The following ZMYM3 variants were observed in gnomAD, a reference collection of about 807,000 sequenced individuals.
ZMYM3 encodes the protein zinc finger MYM-type protein 3.
A neutral mutation model predicts 94.2 loss-of-function variants in ZMYM3; 6 were observed. The ratio of observed to expected loss-of-function variants is 0.06; its 90% CI spans 0.03 to 0.13. The LOEUF (loss-of-function observed/expected upper bound fraction) is 0.13, where lower values mean the gene tolerates loss of function less well. ZMYM3 is among the 10% of genes least tolerant of loss of function. The pLI, the probability that ZMYM3 is intolerant of heterozygous loss-of-function variation, is 1.00. For synonymous variants in ZMYM3, 420 were observed against 426.5 expected, an observed-to-expected ratio of 0.98 and a Z score of 0.19; for missense variants, 664 against 1,132.6, an observed-to-expected ratio of 0.59 and a Z score of 5.94.
rs73541929 is a variant in ZMYM3 at position 71,249,885 on chromosome X, C to T, written c.1251+141G>A. 279 of 1,026,580 alleles carry T rather than the reference C, an allele frequency of 2.7e-4. No homozygotes were observed. In the African/African-American group the frequency reaches 5.1e-3, roughly 19 times the overall value. 84.6% of individuals were successfully genotyped at this position (1,026,580 alleles called of 1,213,427 possible). On this transcript the variant is annotated intron_variant, in intron 6 of 24. Transcript: ENST00000314425. ...TGTGCACATCCTGGAGAAGCTCTGTCCTTGAATACGCTCCCTCATGATGGC... is the reference window on the plus strand; with the variant it reads ...TGTGCACATCCTGGAGAAGCTCTGTTCTTGAATACGCTCCCTCATGATGGC...
At chrX:71,246,322 C>T in intron 15 of ZMYM3, 31 bp downstream of exon 15, 1 of 1,209,789 alleles carries the variant, frequency 8.3e-7, no homozygotes, top group Non-Finnish European at 1.1e-6. Flanking sequence ...CTCTGGAATA[C>T]AGCCTGTGGC....
intron 3 of ZMYM3, 134 bp downstream of exon 3, chrX:71,251,424 C>G (rs1413293163): frequency 4.2e-6 from 4 of 954,119 alleles, no homozygotes; most frequent in Middle Eastern, 3.0e-4. Flanking sequence ...GCAGTAGACA[C>G]TAGTGCTCCC....
chrX:71,248,927 G>A (rs1481677012), intron 8 of ZMYM3, 92 bp downstream of exon 8: 2 of 1,154,470 alleles, frequency 1.7e-6, no homozygotes, highest in Non-Finnish European at 2.3e-6. Flanking sequence ...TTGGGACTGA[G>A]GTCGGGCAGC....
chrX:71,250,777 A>C, intron 4 of ZMYM3, 51 bp from the exon 5 acceptor site: 1 of 1,097,224 alleles, frequency 9.1e-7, no homozygotes, highest in Non-Finnish European at 1.2e-6. Flanking sequence ...CCAGGTCTCC[A>C]ACCATCCCCT....
chrX:71,247,260 C>A, intron 13 of ZMYM3, 85 bp downstream of exon 13: 1 of 982,431 alleles, frequency 1.0e-6, no homozygotes, highest in Admixed American at 3.0e-5. Context: ...GAGCTGAACG[C>A]AAGAGGAAGG....
At chrX:71,242,486 C>G in intron 22 of ZMYM3, 62 bp from the exon 23 acceptor site, 1 of 1,173,280 alleles carries the variant, frequency 8.5e-7, no homozygotes, top group Non-Finnish European at 1.2e-6. Flanking sequence ...CCAACCACTT[C>G]CCATCCCATG....
intron 13 of ZMYM3, 99 bp downstream of exon 13, chrX:71,247,246 G>T: frequency 1.2e-6 from 1 of 858,236 alleles, no homozygotes. Context: ...ATCTGGCCAG[G>T]GGTGAGCTGA....
chrX:71,248,622 C>T, intron 9 of ZMYM3, 64 bp downstream of exon 9: 1 of 1,149,508 alleles, frequency 8.7e-7, no homozygotes. Context: ...GCCTGCCTAC[C>T]CCAATTCTCC....
intron 2 of ZMYM3, 123 bp from the exon 3 acceptor site, chrX:71,251,724 G>A: frequency 9.4e-7 from 1 of 1,062,140 alleles, no homozygotes; most frequent in Non-Finnish European, 1.2e-6. Context: ...AAACTCGAGT[G>A]CCTGTGGCTT....
In ZMYM3 at chrX:71,244,342, G is replaced by C. The variant is rs750058631; in HGVS notation, c.3240C>G (p.Ala1080=). The part of the protein sequence containing the change: ...AWKCWVQSKY[A]NGETSKGDEL... ...CATCACCCTTGCTGGTTTCTCCATT[G>C]GCATATTTTGACTGCACCCAGCACT... Residue 1080 remains alanine, a synonymous_variant, in exon 20 of 25, where the codon GCC becomes GCG. Transcript: ENST00000314425. 5.0e-6 allele frequency: 6 copies of C among 1,203,868 alleles called. No individual in the cohort carries two copies. In the East Asian group the frequency reaches 1.8e-4, roughly 36 times the overall value.
Position 71,250,546 on chromosome X carries a change from T to C in ZMYM3, c.959A>G (p.Lys320Arg). The C allele has an allele frequency of 8.3e-7, 1 of 1,211,446 alleles. No individual in the cohort carries two copies. The highest frequency in any genetic ancestry group is 1.1e-6 in the Non-Finnish European group (1 of 895,231). Reference sequence around the variant, plus strand: ...CTTGCGCTGATAGGCAGTCTGCCCCTTCTGCAGTGGTGTCCGGCAATGTGC... The same window carrying C: ...CTTGCGCTGATAGGCAGTCTGCCCCCTCTGCAGTGGTGTCCGGCAATGTGC... ...TCAHCRTPLQ[K>R]GQTAYQRKGL... The change falls in exon 5 of 25, where the codon AAG becomes AGG. Residue 320 changes from lysine (K) to arginine (R), a missense_variant. By Grantham distance (26) the Lys-to-Arg change is conservative. Coordinates refer to ENST00000314425, the MANE Select transcript of ZMYM3 (RefSeq NM_201599.3).
intron 22 of ZMYM3, 72 bp from the exon 23 acceptor site, chrX:71,242,496 G>A: frequency 8.7e-7 from 1 of 1,150,594 alleles, no homozygotes; most frequent in African/African-American, 1.8e-5. Context: ...CCCATCCCAT[G>A]TGCCCTGCTC....
chrX:71,246,476 T>TTTGGGGGGGGGGGGGGGGGGGGGGGGGGG lies in ZMYM3; in HGVS notation c.2448_2449insCCCCCCCCCCCCCCCCCCCCCCCCCCCAA (p.Thr817ProfsTer32). ...GCTGGGGGTGGTGGGGGTGGAGGGG[T>TTTGGGGGGGGGGGGGGGGGGGGGGGGGGG]GGGAGCAGTGGGAGCTGATCGGGTC... On this transcript the variant is annotated frameshift_variant, in exon 15 of 25. Transcript: ENST00000314425. LOFTEE classifies it high-confidence loss of function. The TTTGGGGGGGGGGGGGGGGGGGGGGGGGGG allele has an allele frequency of 9.9e-6, 1 of 100,740 alleles. No homozygotes were observed. Among genetic ancestry groups the TTTGGGGGGGGGGGGGGGGGGGGGGGGGGG allele is most frequent in the Non-Finnish European group, 1.8e-5 (1 of 56,501 alleles). The allele number at this position is 100,740 out of a possible 1,213,427, so 8.3% of individuals were successfully genotyped here. A position where few individuals can be genotyped will look rare whatever the true frequency, so the allele number is the denominator to read the frequency against.
intron 4 of ZMYM3, 51 bp downstream of exon 4, chrX:71,251,127 C>T (rs752802316): frequency 8.5e-7 from 1 of 1,172,535 alleles, no homozygotes; most frequent in East Asian, 3.0e-5. Flanking sequence ...CACTTTCGGA[C>T]CTTTTCCACA....
At position 71,244,784 on chromosome X, in the gene ZMYM3, C is replaced by T; in HGVS notation, c.3111+6G>A. 1 of 1,194,455 alleles carries T rather than the reference C, an allele frequency of 8.4e-7. No homozygotes were observed. The highest frequency in any genetic ancestry group is 1.1e-6 in the Non-Finnish European group (1 of 882,621). ...TCTTTTGTACATACAGTAGCCCCAG[C>T]CCTACCTTCCTCATGGTTCGGGGAA... is the stretch of plus-strand genomic sequence containing the variant. On this transcript the variant is annotated splice_donor_region_variant and intron_variant, in intron 19 of 24. Coordinates refer to ENST00000314425, the MANE Select transcript of ZMYM3 (RefSeq NM_201599.3).
At chrX:71,244,730 G>C (rs73541922) in intron 19 of ZMYM3, 60 bp downstream of exon 19, 1 of 1,016,594 alleles carries the variant, frequency 9.8e-7, no homozygotes, top group East Asian at 3.2e-5. Context: ...CTTGGCTCTC[G>C]CATCATCTCC....
chrX:71,252,328 C>T lies in ZMYM3; in HGVS notation c.667+261G>A, dbSNP rs773833735. On this transcript the variant is annotated intron_variant, in intron 2 of 24. Coordinates refer to ENST00000314425, the MANE Select transcript of ZMYM3 (RefSeq NM_201599.3). ...GGTAGGAAAAAGGGAACCCTTCCCACCAAATTCACTCCTCCCAACCTACGC... is the reference window on the plus strand; with the variant it reads ...GGTAGGAAAAAGGGAACCCTTCCCATCAAATTCACTCCTCCCAACCTACGC... Among the ~76,000 whole-genome samples, 169 of 110,567 alleles carry T rather than the reference C, an allele frequency of 1.5e-3. 1 individual carries two copies. The highest frequency in any genetic ancestry group is 3.3e-3 in the Admixed American group (34 of 10,409).
intron 6 of ZMYM3, 67 bp from the exon 7 acceptor site, chrX:71,249,746 A>G: frequency 1.7e-6 from 2 of 1,160,017 alleles, no homozygotes; most frequent in South Asian, 4.0e-5. Context: ...ATGCAAGGTC[A>G]GCCCCCCACC....
chrX:71,242,596 G>A (rs2029994419), intron 22 of ZMYM3, among the ~76,000 whole-genome samples, 172 bp from the exon 23 acceptor site: 1 of 111,810 alleles, frequency 8.9e-6, no homozygotes. Flanking sequence ...AGTGGGACTG[G>A]GCTTTAAAAA....
Sources: gnomAD v4.1 joint callset for allele counts (sites outside exome capture counted in the v4.1 genomes callset) on GRCh38, gnomAD v4.1.1 for gene constraint, MANE v1.5 for transcripts, NCBI Gene and HGNC (gene_info 2026-07-23, HGNC 2026-07-21) for gene names.